Variants in HERC2 observed in about 807,000 individuals in gnomAD.
HERC2 encodes E3 ubiquitin-protein ligase HERC2.
A neutral mutation model predicts 537.7 loss-of-function variants in HERC2; 102 were observed. That is an observed-to-expected ratio of 0.19 (90% confidence interval 0.16 to 0.22). The LOEUF is 0.22. Ranked by LOEUF, HERC2 falls within the 10% of genes least tolerant of loss-of-function variation. The pLI, the probability that HERC2 is intolerant of heterozygous loss-of-function variation, is 1.00. For missense variants in HERC2, 4,236 were observed against 6,198.2 expected, an observed-to-expected ratio of 0.68 and a Z score of 10.63; for synonymous variants, 2,224 against 2,466.2, an observed-to-expected ratio of 0.90 and a Z score of 2.91.
Position 28,158,560 on chromosome 15 carries a change from C to T in HERC2, c.10746+4534G>A, listed in dbSNP as rs146541207. Among the ~76,000 whole-genome samples the T allele has an allele frequency of 4.7e-3, 717 of 152,250 alleles. 6 individuals are homozygous for T. The highest frequency in any genetic ancestry group is 0.016 in the African/African-American group (675 of 41,558). ...TTTATCAGAGACTAGGATTGCAACTCCTGCCTTTTTTTGTTTTCCATTTGC... is the reference window on the plus strand; with the variant it reads ...TTTATCAGAGACTAGGATTGCAACTTCTGCCTTTTTTTGTTTTCCATTTGC... On this transcript the variant is annotated intron_variant, in intron 69 of 92. Transcript: ENST00000261609.
At chr15:28,138,984 A>G (rs1890922681) in intron 78 of HERC2, among the ~76,000 whole-genome samples, 1 of 152,252 alleles carries the variant, frequency 6.6e-6, no homozygotes, top group South Asian at 2.1e-4. Flanking sequence ...CACGAGTGGA[A>G]GAAGTGACCT....
chr15:28,116,634 C>G lies in HERC2; in HGVS notation c.13609+31G>C, dbSNP rs577747543. 52 of 1,576,606 alleles carry G rather than the reference C, an allele frequency of 3.3e-5. No individual in the cohort carries two copies. In the Admixed American group the frequency reaches 7.3e-4, roughly 22 times the overall value. On this transcript the variant is annotated intron_variant, in intron 88 of 92. Coordinates refer to ENST00000261609, the MANE Select transcript of HERC2 (RefSeq NM_004667.6). ...ACTCAAGAGCAGGCACAGGCCACAG[C>G]GACACAGTCTCAAGCGGCCGAGAAG... is the stretch of plus-strand genomic sequence containing the variant.
chr15:28,238,770 A>T lies in HERC2; in HGVS notation c.3580T>A (p.Ser1194Thr), dbSNP rs1902729153. ...CTACAGTTCTGACCTGTAAAAAATGACTCTGTATATACAGAAACCAGAATC... is the reference window on the plus strand; with the variant it reads ...CTACAGTTCTGACCTGTAAAAAATGTCTCTGTATATACAGAAACCAGAATC... ...EELAWPGIME[S>T]FFTGQNCRNN... Residue 1194 changes from serine (S) to threonine (T), a missense_variant and splice_region_variant, in exon 24 of 93, where the codon TCA becomes ACA. Ser to Thr is a moderately conservative substitution (Grantham distance 58). This residue lies in a region of HERC2 where 754 missense variants were observed against 1,085.0 expected (regional missense o/e 0.69). Transcript: ENST00000261609. 2 of 1,607,190 alleles carry T rather than the reference A, an allele frequency of 1.2e-6. No homozygotes were observed.
At chr15:28,315,979 C>A (rs2077071713) in intron 2 of HERC2, 2 of 374,684 alleles carry the variant, frequency 5.3e-6, no homozygotes, top group African/African-American at 2.1e-5. Flanking sequence ...CTGCCCTGGA[C>A]CTGTGACATT....
At chr15:28,225,757 G>T (rs1376710536) in intron 35 of HERC2, among the ~76,000 whole-genome samples, 1 of 149,088 alleles carries the variant, frequency 6.7e-6, no homozygotes, top group East Asian at 2.0e-4. Flanking sequence ...CATCAGAAAT[G>T]TAAGTGGAGA....
chr15:28,256,031 C>G lies in HERC2; in HGVS notation c.2747-35G>C, dbSNP rs765398169. Reference sequence around the variant, plus strand: ...AAAGTGTGTGCCAATTTGAGTGAAACGCCATTCCCTCCCAACACCCTGACC... The same window carrying G: ...AAAGTGTGTGCCAATTTGAGTGAAAGGCCATTCCCTCCCAACACCCTGACC... On this transcript the variant is annotated intron_variant, in intron 18 of 92. Transcript: ENST00000261609. 3.7e-6 allele frequency: 6 copies of G among 1,604,924 alleles called. No homozygotes were observed. The South Asian group carries it at 6.6e-5, about 18-fold the overall frequency.
chr15:28,228,744 C>A (rs573658522), intron 34 of HERC2, among the ~76,000 whole-genome samples: 1 of 152,348 alleles, frequency 6.6e-6, no homozygotes, highest in Admixed American at 6.5e-5. Flanking sequence ...GGGCCTACCC[C>A]CTGCATTCTA....
intron 22 of HERC2, among the ~76,000 whole-genome samples, 155 bp downstream of exon 22, chr15:28,246,587 C>T (rs983927424): frequency 6.6e-6 from 1 of 151,368 alleles, no homozygotes; most frequent in Admixed American, 6.6e-5. Context: ...AACAACAGAA[C>T]TGTCAGTAAC....
chr15:28,209,405 A>C (rs1013396876), intron 44 of HERC2, among the ~76,000 whole-genome samples: 1 of 152,074 alleles, frequency 6.6e-6, no homozygotes, highest in South Asian at 2.1e-4. Context: ...GTGCAGTGAC[A>C]CGATCTCGCC....
chr15:28,169,407 C>A (rs1894472091), intron 66 of HERC2, 77 bp downstream of exon 66: 2 of 1,061,428 alleles, frequency 1.9e-6, no homozygotes, highest in Admixed American at 2.4e-5. Context: ...GACATCTGAT[C>A]AACGAAAAGA....
intron 86 of HERC2, among the ~76,000 whole-genome samples, chr15:28,119,794 A>G (rs1026013463): frequency 6.6e-6 from 1 of 152,150 alleles, no homozygotes; most frequent in African/African-American, 2.4e-5. Context: ...TGTTTTTTCA[A>G]TTGCATACTG....
At chr15:28,293,136 G>T in intron 3 of HERC2, 114 bp from the exon 4 acceptor site, 1 of 868,526 alleles carries the variant, frequency 1.2e-6, no homozygotes, top group Admixed American at 2.5e-5. Context: ...CTGAATGTTG[G>T]ACAACGTAAA....
intron 55 of HERC2, chr15:28,190,491 G>A (rs1044636426): frequency 6.2e-6 from 1 of 161,034 alleles, no homozygotes; most frequent in Non-Finnish European, 1.4e-5. Flanking sequence ...AACTTTTCCA[G>A]AGATAAACTT....
At position 28,214,707 on chromosome 15, in the gene HERC2, G is replaced by C. The variant is rs1303023588; in HGVS notation, c.6306C>G (p.Asp2102Glu). 18 of 1,612,026 alleles carry C rather than the reference G, an allele frequency of 1.1e-5. No individual in the cohort carries two copies. Among genetic ancestry groups the C allele is most frequent in the Non-Finnish European group, 1.5e-5 (18 of 1,179,848 alleles). The change falls in exon 40 of 93, where the codon GAC becomes GAG. Residue 2102 changes from aspartate (D) to glutamate (E), a missense_variant. Coordinates refer to ENST00000261609, the MANE Select transcript of HERC2 (RefSeq NM_004667.6). ...AGGTAGTGAGCAAGCTTCCCAAGAA[G>C]TCAAACAGCTTCTCCACGAGGCATT... ...DMKCLVEKLFDFLGSLLTTCS... is the reference protein window; with the variant it reads ...DMKCLVEKLFEFLGSLLTTCS...
At chr15:28,210,901 A>G in intron 44 of HERC2, 101 bp downstream of exon 44, 1 of 1,078,028 alleles carries the variant, frequency 9.3e-7, no homozygotes, top group Non-Finnish European at 1.4e-6. Flanking sequence ...TTGTACATTT[A>G]TAAGCCACCT....
intron 68 of HERC2, among the ~76,000 whole-genome samples, chr15:28,166,470 C>T (rs1016163351): frequency 1.3e-5 from 2 of 152,074 alleles, no homozygotes; most frequent in Non-Finnish European, 2.9e-5. Context: ...GCTGAGAGGG[C>T]CTAACCAAAG....
chr15:28,182,336 A>T (rs1895900663), intron 57 of HERC2, 65 bp downstream of exon 57: 4 of 969,524 alleles, frequency 4.1e-6, no homozygotes. Context: ...TTATTATAGA[A>T]ACTTCACGAG....
rs1156494355 is a variant in HERC2 at position 28,203,146 on chromosome 15, AAC to A, written c.7213-534_7213-533del. The A allele has an allele frequency of 5.4e-5, 5 of 93,334 alleles. No homozygotes were observed. In the Admixed American group the frequency reaches 6.3e-4, roughly 12 times the overall value. The allele number at this position is 93,334 out of a possible 1,614,324, so 5.8% of individuals were successfully genotyped here. ...AGAAATAAAAGAGTATTAGTTGGGA[AAC>A]ACACTGCAATGAATCAGTGAACATC... On this transcript the variant is annotated intron_variant, in intron 45 of 92. Coordinates refer to ENST00000261609, the MANE Select transcript of HERC2 (RefSeq NM_004667.6).
chr15:28,253,889 G>A (rs150142651), intron 20 of HERC2, among the ~76,000 whole-genome samples: 2 of 152,256 alleles, frequency 1.3e-5, no homozygotes, highest in African/African-American at 4.8e-5. Context: ...TAGAACCCAG[G>A]AGGCAGAGGT....
Sources: allele counts gnomAD v4.1 joint callset (sites outside exome capture counted in the v4.1 genomes callset), GRCh38; gene constraint gnomAD v4.1.1; regional missense constraint gnomAD v4.1.1; transcripts MANE v1.5; gene names NCBI Gene and HGNC (gene_info 2026-07-23, HGNC 2026-07-21).